Variants in PSAP observed in about 807,000 individuals in gnomAD.
The protein encoded by PSAP is prosaposin.
A neutral mutation model predicts 66.0 loss-of-function variants in PSAP; 25 were observed. That is an observed-to-expected ratio of 0.38 (90% CI 0.28 to 0.53). The LOEUF (loss-of-function observed/expected upper bound fraction) is 0.53. Among genes scored for constraint, PSAP ranks in the 20% least tolerant of loss-of-function variants. The probability of loss-of-function intolerance (pLI) is 0.83; values close to 1 mark genes in which losing one functional copy is unlikely to be tolerated. For synonymous variants in PSAP, 273 were observed against 258.9 expected, an observed-to-expected ratio of 1.05 and a Z score of -0.52; for missense variants, 649 against 668.8, an observed-to-expected ratio of 0.97 and a Z score of 0.33.
chr10:71,841,973 T>A (rs11813373), intron 1 of PSAP, among the ~76,000 whole-genome samples: 137 of 150,488 alleles, frequency 9.1e-4, no homozygotes, highest in Admixed American at 1.5e-3. Context: ...GCCACTGCAC[T>A]CCAACCTGGG....
At chr10:71,830,145 T>G (rs1244937566) in intron 4 of PSAP, among the ~76,000 whole-genome samples, 2 of 152,182 alleles carry the variant, frequency 1.3e-5, no homozygotes, top group African/African-American at 4.8e-5. Flanking sequence ...GTGTTTAACT[T>G]CTGTAATCAT....
intron 7 of PSAP, among the ~76,000 whole-genome samples, chr10:71,824,668 T>C (rs1391647823): frequency 1.3e-5 from 2 of 152,214 alleles, no homozygotes; most frequent in East Asian, 3.8e-4. Context: ...GGCCAACATA[T>C]TTTTAGGCAA....
At chr10:71,833,476 T>G (rs977527020) in intron 2 of PSAP, among the ~76,000 whole-genome samples, 1 of 152,172 alleles carries the variant, frequency 6.6e-6, no homozygotes, top group Non-Finnish European at 1.5e-5. Flanking sequence ...AGGGCAAGTA[T>G]GGCCACAGAA....
At chr10:71,846,731 C>CAAAA (rs56323015) in intron 1 of PSAP, among the ~76,000 whole-genome samples, 6 of 49,678 alleles carry the variant, frequency 1.2e-4, no homozygotes, top group African/African-American at 3.7e-4. Context: ...GACCCTGTCT[C>CAAAA]AAAAAAAAAA....
chr10:71,826,569 C>G (rs750157795), intron 6 of PSAP, among the ~76,000 whole-genome samples: 1 of 152,126 alleles, frequency 6.6e-6, no homozygotes, highest in Non-Finnish European at 1.5e-5. Context: ...ATTAACATTC[C>G]TAACGGAAAG....
intron 1 of PSAP, among the ~76,000 whole-genome samples, chr10:71,835,080 CA>C (rs1296012242): frequency 3.3e-5 from 5 of 149,520 alleles, no homozygotes; most frequent in South Asian, 4.2e-4. Context: ...ACTAAAAATA[CA>C]AAAAAAAACA....
At position 71,816,790 on chromosome 10, in the gene PSAP, C is replaced by A; in HGVS notation, c.*651G>T. The A allele has an allele frequency of 4.6e-6, 1 of 217,438 alleles. No homozygotes were observed. Among genetic ancestry groups the A allele is most frequent in the Non-Finnish European group, 9.6e-6 (1 of 103,796 alleles). 13.5% of individuals were successfully genotyped at this position (217,438 alleles called of 1,614,324 possible). On this transcript the variant is annotated 3_prime_UTR_variant, in exon 14 of 14. Coordinates refer to ENST00000394936, the MANE Select transcript of PSAP (RefSeq NM_002778.4). ...ACCCACAGAACCCCAAACAAGGCAT[C>A]ACCAGGAAAGACACGGGAAAGCCAA...
intron 1 of PSAP, among the ~76,000 whole-genome samples, chr10:71,835,222 AT>A (rs1052354602): frequency 3.1e-4 from 11 of 35,586 alleles, no homozygotes; most frequent in Non-Finnish European, 8.8e-4. Context: ...GTTTCAAAAA[AT>A]AAATAAATAA....
intron 5 of PSAP, 56 bp downstream of exon 5, chr10:71,828,821 C>T (rs1842450019): frequency 1.3e-6 from 2 of 1,594,238 alleles, no homozygotes; most frequent in East Asian, 4.5e-5. Context: ...TCCCTTTGGT[C>T]TCTCATCTCC....
At chr10:71,846,130 A>G (rs1373308492) in intron 1 of PSAP, among the ~76,000 whole-genome samples, 2 of 152,188 alleles carry the variant, frequency 1.3e-5, no homozygotes, top group African/African-American at 4.8e-5. Context: ...TATTAACCTA[A>G]TTTATTAAAG....
chr10:71,848,789 A>C (rs1183005816), intron 1 of PSAP, among the ~76,000 whole-genome samples: 1 of 152,192 alleles, frequency 6.6e-6, no homozygotes, highest in African/African-American at 2.4e-5. Flanking sequence ...TCACAATATC[A>C]CAAAGGGGCC....
intron 1 of PSAP, among the ~76,000 whole-genome samples, chr10:71,843,870 T>C (rs979172578): frequency 7.9e-5 from 12 of 152,222 alleles, no homozygotes; most frequent in African/African-American, 2.9e-4. Flanking sequence ...TACTTGCTTT[T>C]GGCAAATGTA....
intron 1 of PSAP, among the ~76,000 whole-genome samples, chr10:71,837,463 T>C (rs1277035250): frequency 1.3e-5 from 2 of 152,208 alleles, no homozygotes; most frequent in Non-Finnish European, 2.9e-5. Flanking sequence ...CACACATTTC[T>C]CCTAGCACTT....
intron 1 of PSAP, among the ~76,000 whole-genome samples, chr10:71,849,637 A>G (rs914198487): frequency 1.3e-5 from 2 of 148,236 alleles, no homozygotes; most frequent in African/African-American, 5.0e-5. Context: ...ACAAACAAAC[A>G]AAAAAAAAAC....
chr10:71,825,918 A>G (rs992685804), intron 6 of PSAP, 25 bp from the exon 7 acceptor site: 2 of 1,603,776 alleles, frequency 1.2e-6, no homozygotes, highest in Admixed American at 1.7e-5. Context: ...ACAGATTGCT[A>G]AACAAATCAC....
rs893392162 is a variant in PSAP, at chr10:71,828,734, T to C, written c.576+143A>G. On this transcript the variant is annotated intron_variant, in intron 5 of 13. Coordinates refer to ENST00000394936, the MANE Select transcript of PSAP (RefSeq NM_002778.4). ...TTTAGAAACTTCATGGTACAACCAT[T>C]TAAAGGCTGGCTCATGTGACTGCAG... is the stretch of plus-strand genomic sequence containing the variant. 8.5e-6 allele frequency: 7 copies of C among 819,790 alleles called. No individual in the cohort carries two copies. In the African/African-American group the frequency reaches 1.2e-4, roughly 14 times the overall value. The allele number at this position is 819,790 out of a possible 1,614,324, so 50.8% of individuals were successfully genotyped here. A position where few individuals can be genotyped will look rare whatever the true frequency, so the allele number is the denominator to read the frequency against.
At position 71,820,326 on chromosome 10, in the gene PSAP, C is replaced by A; in HGVS notation, c.919G>T (p.Val307Phe). The part of the protein sequence containing the change: ...ELVEPIKKHE[V>F]PAKSDVYCEV... ...CAGTAAACATCAGACTTTGCTGGGACCTCGTGCTTCTGTGGAAAGAGTAGA... is the reference window on the plus strand; with the variant it reads ...CAGTAAACATCAGACTTTGCTGGGAACTCGTGCTTCTGTGGAAAGAGTAGA... The change falls in exon 9 of 14, where the codon GTC (valine) becomes TTC (phenylalanine). Residue 307 changes from valine (V) to phenylalanine (F), a missense_variant. Physicochemically the swap from Val to Phe is conservative, Grantham distance 50. Coordinates refer to ENST00000394936, the MANE Select transcript of PSAP (RefSeq NM_002778.4). The A allele has an allele frequency of 6.2e-7, 1 of 1,613,906 alleles. No homozygotes were observed. Among genetic ancestry groups the A allele is most frequent in the Non-Finnish European group, 8.5e-7 (1 of 1,179,776 alleles).
At chr10:71,838,353 G>C (rs1465938440) in intron 1 of PSAP, among the ~76,000 whole-genome samples, 2 of 152,238 alleles carry the variant, frequency 1.3e-5, no homozygotes, top group African/African-American at 4.8e-5. Context: ...AGGCCAGGGA[G>C]GGGAGGGCCT....
chr10:71,848,723 G>A (rs981335858), intron 1 of PSAP, among the ~76,000 whole-genome samples: 2 of 152,194 alleles, frequency 1.3e-5, no homozygotes, highest in Non-Finnish European at 2.9e-5. Flanking sequence ...GCAGTCACCA[G>A]GCACTTTCAC....
Sources: allele counts gnomAD v4.1 joint callset (sites outside exome capture counted in the v4.1 genomes callset), GRCh38; gene constraint gnomAD v4.1.1; transcripts MANE v1.5; gene names NCBI Gene and HGNC (gene_info 2026-07-23, HGNC 2026-07-21).